EPHB1: variants seen among roughly 807,000 people sequenced by gnomAD.
EPHB1 encodes ephrin type-B receptor 1.
EPHB1 carries 30 observed loss-of-function variants against 94.4 expected under a neutral mutation model. That is an observed-to-expected ratio of 0.32 (90% CI 0.24 to 0.43). The LOEUF (loss-of-function observed/expected upper bound fraction) is 0.43, where lower values mean the gene tolerates loss of function less well. Ranked by LOEUF, EPHB1 falls within the 20% of genes least tolerant of loss-of-function variation. The pLI, the probability that EPHB1 is intolerant of heterozygous loss-of-function variation, is 1.00. For synonymous variants in EPHB1, 522 were observed against 489.1 expected, an observed-to-expected ratio of 1.07 and a Z score of -0.89; for missense variants, 1,055 against 1,308.3, an observed-to-expected ratio of 0.81 and a Z score of 2.99.
intron 1 of EPHB1, among the ~76,000 whole-genome samples, chr3:134,823,117 C>A (rs932388627): frequency 7.2e-5 from 11 of 152,242 alleles, no homozygotes; most frequent in African/African-American, 2.2e-4. Flanking sequence ...GCTCCACTGG[C>A]TTTGCCTTGG....
At chr3:135,243,200 A>G (rs1042695851) in intron 13 of EPHB1, among the ~76,000 whole-genome samples, 1 of 152,218 alleles carries the variant, frequency 6.6e-6, no homozygotes, top group Non-Finnish European at 1.5e-5. Context: ...ACTGTCTGAC[A>G]AGCAAGATTT....
chr3:134,842,713 C>A (rs1039591851), intron 1 of EPHB1, among the ~76,000 whole-genome samples: 3 of 152,154 alleles, frequency 2.0e-5, no homozygotes, highest in African/African-American at 7.2e-5. Flanking sequence ...ATCTCCACAC[C>A]TTTGATTGTT....
chr3:134,997,227 A>G (rs1935024305), intron 3 of EPHB1, among the ~76,000 whole-genome samples: 1 of 152,126 alleles, frequency 6.6e-6, no homozygotes, highest in African/African-American at 2.4e-5. Flanking sequence ...TCTATGTTTC[A>G]TCACTTCTCA....
chr3:134,900,800 A>G (rs16842236), intron 1 of EPHB1, among the ~76,000 whole-genome samples: 22,764 of 152,108 alleles, frequency 0.15, 2,199 homozygotes, highest in African/African-American at 0.27. Context: ...GTGTTGGTAC[A>G]GGTGGATGTA....
intron 3 of EPHB1, among the ~76,000 whole-genome samples, chr3:135,072,145 AG>A (rs1203584447): frequency 1.3e-5 from 2 of 152,256 alleles, no homozygotes; most frequent in African/African-American, 4.8e-5. Context: ...AGACCCAGTC[AG>A]GTGGGTCACC....
chr3:135,052,013 G>C (rs775886416), intron 3 of EPHB1, among the ~76,000 whole-genome samples: 20 of 152,112 alleles, frequency 1.3e-4, no homozygotes, highest in Non-Finnish European at 2.2e-4. Flanking sequence ...TCAATTATTG[G>C]CAATTTTATA....
chr3:135,047,937 A>G (rs1461950066), intron 3 of EPHB1, among the ~76,000 whole-genome samples: 1 of 152,216 alleles, frequency 6.6e-6, no homozygotes, highest in Non-Finnish European at 1.5e-5. Context: ...AAATGTCAAT[A>G]GTGTCAAGGT....
chr3:134,902,956 A>G (rs550747196), intron 1 of EPHB1, among the ~76,000 whole-genome samples: 67 of 152,358 alleles, frequency 4.4e-4, no homozygotes, highest in African/African-American at 1.4e-3. Context: ...TTCACCAGGC[A>G]TCTGTAAATT....
chr3:135,106,092 A>T (rs771652796), intron 3 of EPHB1, among the ~76,000 whole-genome samples: 1 of 152,190 alleles, frequency 6.6e-6, no homozygotes. Context: ...ATGGATGTTA[A>T]CCAGGTAGAC....
chr3:134,948,767 A>G (rs1419338094), intron 2 of EPHB1, among the ~76,000 whole-genome samples: 1 of 152,258 alleles, frequency 6.6e-6, no homozygotes, highest in African/African-American at 2.4e-5. Context: ...GATGTGCTGC[A>G]GCCCCCTCAG....
intron 12 of EPHB1, among the ~76,000 whole-genome samples, chr3:135,237,782 C>G (rs958738122): frequency 6.6e-6 from 1 of 152,198 alleles, no homozygotes; most frequent in Non-Finnish European, 1.5e-5. Context: ...GGAGCAAGCA[C>G]TCCTCTATGC....
rs1933592034 is a variant in EPHB1, at chr3:135,260,458, T to G, written c.*1338T>G. 9.1e-6 allele frequency: 2 copies of G among 218,716 alleles called. No individual in the cohort carries two copies. The highest frequency in any genetic ancestry group is 1.8e-5 in the Non-Finnish European group (2 of 108,668). The allele number at this position is 218,716 out of a possible 1,614,324, so 13.5% of individuals were successfully genotyped here. ...AAAAAGAGCAGAAGCATGTCTGGGT[T>G]TACGTAAAATGGTGTCAGAGTGTGT... On this transcript the variant is annotated 3_prime_UTR_variant, in exon 16 of 16. Transcript: ENST00000398015.
chr3:134,982,527 A>T (rs554135739), intron 3 of EPHB1, among the ~76,000 whole-genome samples: 8 of 152,100 alleles, frequency 5.3e-5, no homozygotes, highest in Non-Finnish European at 8.8e-5. Context: ...TCATAACCTG[A>T]TCATCAGCTC....
chr3:135,045,359 C>G (rs1386664756), intron 3 of EPHB1, among the ~76,000 whole-genome samples: 1 of 152,186 alleles, frequency 6.6e-6, no homozygotes, highest in African/African-American at 2.4e-5. Flanking sequence ...AAGTCTTTAT[C>G]CTTGAATCCT....
At chr3:134,926,960 G>A (rs3772674) in intron 2 of EPHB1, among the ~76,000 whole-genome samples, 5,129 of 152,244 alleles carry the variant, frequency 0.034, 214 homozygotes, top group African/African-American at 0.099. Flanking sequence ...GAGAGGAGGT[G>A]GAGATGATGT....
intron 9 of EPHB1, among the ~76,000 whole-genome samples, chr3:135,170,139 G>T (rs552337278): frequency 6.6e-6 from 1 of 152,318 alleles, no homozygotes; most frequent in South Asian, 2.1e-4. Flanking sequence ...GCCTGAGAGA[G>T]CCCCTGCCTT....
Position 135,249,316 on chromosome 3 carries a change from G to A in EPHB1, c.2691-20G>A, listed in dbSNP as rs1932965196. ...GCATCTCTGCAATGTGTGGTCACCT[G>A]CCCATCTCTGTCTCACCAGGCCTTC... On this transcript the variant is annotated intron_variant, in intron 14 of 15. Transcript: ENST00000398015. 3 of 1,601,718 alleles carry A rather than the reference G, an allele frequency of 1.9e-6. No individual in the cohort carries two copies.
chr3:134,947,293 G>A (rs1265589889), intron 2 of EPHB1, among the ~76,000 whole-genome samples: 1 of 152,018 alleles, frequency 6.6e-6, no homozygotes, highest in East Asian at 1.9e-4. Flanking sequence ...CCCTCATCTC[G>A]ATTAACCAAC....
intron 1 of EPHB1, among the ~76,000 whole-genome samples, chr3:134,918,511 A>G (rs2038615330): frequency 6.6e-6 from 1 of 152,226 alleles, no homozygotes. Context: ...AAAGCAGCAT[A>G]GTAATAATTA....
Sources: gnomAD v4.1 joint callset for allele counts (sites outside exome capture counted in the v4.1 genomes callset) on GRCh38, gnomAD v4.1.1 for gene constraint, MANE v1.5 for transcripts, NCBI Gene and HGNC (gene_info 2026-07-23, HGNC 2026-07-21) for gene names.